Variants in REDIC1 observed in about 807,000 individuals in gnomAD.
The protein encoded by REDIC1 is regulator of DNA class I crossover intermediates 1.
the REDIC1 span, among the ~76,000 whole-genome samples, chr12:39,715,269 C>T: frequency 6.6e-6 from 1 of 151,888 alleles, no homozygotes; most frequent in South Asian, 2.1e-4. Context: ...TCGTTTCATT[C>T]TCCTGTATGT....
chr12:39,732,233 T>G, the REDIC1 span, among the ~76,000 whole-genome samples: 9 of 152,224 alleles, frequency 5.9e-5, no homozygotes, highest in African/African-American at 2.2e-4. Flanking sequence ...TTGAAAAACC[T>G]GTTCCATTTG....
the REDIC1 span, chr12:39,643,733 A>C: frequency 3.8e-6 from 5 of 1,326,726 alleles, no homozygotes; most frequent in Non-Finnish European, 5.2e-6. Context: ...AATTCTGTCT[A>C]AAACCGCATA....
the REDIC1 span, chr12:39,755,657 CTTT>C: frequency 1.3e-5 from 2 of 152,016 alleles, no homozygotes; most frequent in African/African-American, 4.8e-5. Flanking sequence ...TGATCCACTT[CTTT>C]TTCTCATTTA....
the REDIC1 span, chr12:39,720,682 G>C: frequency 2.4e-4 from 219 of 922,882 alleles, no homozygotes; most frequent in East Asian, 3.3e-3. Context: ...TCTGTATTTA[G>C]AAATTTTCTA....
the REDIC1 span, among the ~76,000 whole-genome samples, chr12:39,629,464 A>C: frequency 6.6e-6 from 1 of 152,222 alleles, no homozygotes; most frequent in Non-Finnish European, 1.5e-5. Flanking sequence ...TAATTGCAGA[A>C]TCATTTGATA....
the REDIC1 span, among the ~76,000 whole-genome samples, chr12:39,630,369 A>T: frequency 6.6e-6 from 1 of 152,118 alleles, no homozygotes; most frequent in African/African-American, 2.4e-5. Context: ...CAGATTGGGG[A>T]ATCAATCAAT....
the REDIC1 span, among the ~76,000 whole-genome samples, chr12:39,663,671 A>G: frequency 6.6e-6 from 1 of 151,930 alleles, no homozygotes; most frequent in Non-Finnish European, 1.5e-5. Context: ...CTTACTATAT[A>G]TATTAATGGT....
the REDIC1 span, among the ~76,000 whole-genome samples, chr12:39,825,311 A>AT: frequency 1.3e-5 from 2 of 152,136 alleles, no homozygotes; most frequent in Non-Finnish European, 2.9e-5. Flanking sequence ...ACACAGATAA[A>AT]TACAGAAAAA....
chr12:39,656,738 T>C, the REDIC1 span, among the ~76,000 whole-genome samples: 1 of 152,220 alleles, frequency 6.6e-6, no homozygotes, highest in African/African-American at 2.4e-5. Context: ...GTGAGATTGA[T>C]GATCCTGACC....
chr12:39,699,637 C>G, the REDIC1 span, among the ~76,000 whole-genome samples: 1 of 151,752 alleles, frequency 6.6e-6, no homozygotes, highest in Non-Finnish European at 1.5e-5. Context: ...TAGGCTCCAC[C>G]TCTGGGGGCA....
chr12:39,725,213 C>T, the REDIC1 span, among the ~76,000 whole-genome samples: 2 of 152,090 alleles, frequency 1.3e-5, no homozygotes. Context: ...GTAATAATAC[C>T]TTCCAAATGC....
the REDIC1 span, among the ~76,000 whole-genome samples, chr12:39,820,717 TTATATATATATA>T: frequency 6.3e-4 from 84 of 132,576 alleles, no homozygotes; most frequent in Middle Eastern, 4.4e-3. Context: ...ATTTTTAAAT[TTATATATATATA>T]TATATATATA....
chr12:39,905,670 A>G, the REDIC1 span, among the ~76,000 whole-genome samples: 1 of 152,126 alleles, frequency 6.6e-6, no homozygotes, highest in African/African-American at 2.4e-5. Flanking sequence ...TCTTATGTCT[A>G]TAAACATTAA....
the REDIC1 span, among the ~76,000 whole-genome samples, chr12:39,730,641 G>T: frequency 2.6e-5 from 4 of 152,066 alleles, no homozygotes; most frequent in Admixed American, 6.5e-5. Flanking sequence ...GTGTCTTGGG[G>T]TTGCTCTTCT....
chr12:39,884,839 A>G, the REDIC1 span, among the ~76,000 whole-genome samples: 2 of 152,236 alleles, frequency 1.3e-5, no homozygotes, highest in Non-Finnish European at 2.9e-5. Flanking sequence ...CAAAGGGGCA[A>G]GGAATTCAAG....
At chr12:39,872,124 A>G in the REDIC1 span, among the ~76,000 whole-genome samples, 828 of 152,328 alleles carry the variant, frequency 5.4e-3, 6 homozygotes, top group African/African-American at 0.019. Flanking sequence ...AAAGATCACA[A>G]TATAAAGACT....
chr12:39,895,114 C>T, the REDIC1 span, among the ~76,000 whole-genome samples: 2 of 152,170 alleles, frequency 1.3e-5, no homozygotes, highest in South Asian at 4.2e-4. Flanking sequence ...AGTGATTGTC[C>T]CACCTCAGCC....
At chr12:39,897,401 C>T in the REDIC1 span, among the ~76,000 whole-genome samples, 2 of 152,164 alleles carry the variant, frequency 1.3e-5, no homozygotes, top group African/African-American at 4.8e-5. Flanking sequence ...CAACTGCCTA[C>T]CCCAAGCATG....
the REDIC1 span, among the ~76,000 whole-genome samples, chr12:39,826,106 T>G: frequency 6.6e-6 from 1 of 152,154 alleles, no homozygotes; most frequent in South Asian, 2.1e-4. Context: ...TACATTTATA[T>G]AAGCTTACTG....
Sources: gnomAD v4.1 joint callset for allele counts (sites outside exome capture counted in the v4.1 genomes callset) on GRCh38, gnomAD v4.1.1 for gene constraint, MANE v1.5 for transcripts, NCBI Gene and HGNC (gene_info 2026-07-23, HGNC 2026-07-21) for gene names.